The following ADARB1 variants were observed in gnomAD, a reference collection of about 807,000 sequenced individuals.
ADARB1 encodes double-stranded RNA-specific editase 1.
ADARB1 carries 10 observed loss-of-function variants against 52.4 expected under a neutral mutation model. The observed-to-expected ratio is 0.19, with a 90% CI of 0.12 to 0.32. ADARB1 has a LOEUF of 0.32. ADARB1 is among the 10% of genes least tolerant of loss of function. The probability of loss-of-function intolerance (pLI) is 1.00; values close to 1 mark genes in which losing one functional copy is unlikely to be tolerated. For synonymous variants in ADARB1, 349 were observed against 371.1 expected, an observed-to-expected ratio of 0.94 and a Z score of 0.68; for missense variants, 643 against 922.3, an observed-to-expected ratio of 0.70 and a Z score of 3.92.
At chr21:45,195,714 T>C (rs1257692566) in intron 8 of ADARB1, among the ~76,000 whole-genome samples, 1 of 152,200 alleles carries the variant, frequency 6.6e-6, no homozygotes, top group Non-Finnish European at 1.5e-5. Context: ...AAAGATCAGT[T>C]GACTGTATTT....
rs1025715251 is a variant in ADARB1, at chr21:45,223,513, G to T, written c.*1316G>T. Reference sequence around the variant, plus strand: ...GTTGCCTCCGCTCAGGATGAAAGAGGAGCTGAGAGAAGTGCTCTGCCTGCC... The same window carrying T: ...GTTGCCTCCGCTCAGGATGAAAGAGTAGCTGAGAGAAGTGCTCTGCCTGCC... On this transcript the variant is annotated 3_prime_UTR_variant, in exon 11 of 11. Coordinates refer to ENST00000348831, the MANE Select transcript of ADARB1 (RefSeq NM_001112.4). The T allele has an allele frequency of 4.1e-6, 4 of 985,528 alleles. No homozygotes were observed. Among genetic ancestry groups the T allele is most frequent in the African/African-American group, 1.7e-5 (1 of 57,252 alleles). The allele number at this position is 985,528 out of a possible 1,614,324, so 61.0% of individuals were successfully genotyped here. A position where few individuals can be genotyped will look rare whatever the true frequency, so the allele number is the denominator to read the frequency against.
chr21:45,196,872 G>A (rs1215586163), intron 8 of ADARB1, among the ~76,000 whole-genome samples: 1 of 152,204 alleles, frequency 6.6e-6, no homozygotes, highest in Non-Finnish European at 1.5e-5. Flanking sequence ...CTGTGGCTAG[G>A]TATGTAAATA....
chr21:45,077,228 C>G (rs1392330802), intron 1 of ADARB1, among the ~76,000 whole-genome samples: 1 of 152,154 alleles, frequency 6.6e-6, no homozygotes, highest in African/African-American at 2.4e-5. Context: ...GCTCTGTGAT[C>G]AAACAATATA....
At chr21:45,134,856 G>C (rs752731607) in intron 2 of ADARB1, 1 of 533,350 alleles carries the variant, frequency 1.9e-6, no homozygotes, top group Non-Finnish European at 3.9e-6. Context: ...GGCATTTGTG[G>C]TCAGGGGCAC....
chr21:45,180,385 A>G lies in ADARB1; in HGVS notation c.1019A>G (p.Asp340Gly). The G allele has an allele frequency of 6.2e-7, 1 of 1,614,152 alleles. No homozygotes were observed. Among genetic ancestry groups the G allele is most frequent in the Non-Finnish European group, 8.5e-7 (1 of 1,180,020 alleles). Residue 340 changes from aspartate (D) to glycine (G), a missense_variant, in exon 5 of 11, where the codon GAC (aspartate) becomes GGC (glycine). Coordinates refer to ENST00000348831, the MANE Select transcript of ADARB1 (RefSeq NM_001112.4). Reference protein sequence around the residue: ...LVLGKFGDLTDNFSSPHARRK... With the variant: ...LVLGKFGDLTGNFSSPHARRK... ...CTGGGTAAGTTTGGTGACCTGACCG[A>G]CAACTTCTCCTCCCCTCACGCTCGC... is the stretch of plus-strand genomic sequence containing the variant.
chr21:45,220,403 A>G lies in ADARB1; in HGVS notation c.1748-433A>G, dbSNP rs565180141. On this transcript the variant is annotated intron_variant, in intron 9 of 10. Transcript: ENST00000348831. The surrounding 1 kb of genome is among the most constrained non-coding windows in gnomAD (Gnocchi z 6.3). The stretch of plus-strand genomic sequence containing the variant: ...GCATGAGCGCCAGAGGTGGTGTGAT[A>G]CAGGAGCAACCCCCACCTGCACGAC... 6.6e-6 allele frequency among the ~76,000 whole-genome samples: 1 copy of G among 152,276 alleles called. No homozygotes were observed. Among genetic ancestry groups the G allele is most frequent in the African/African-American group, 2.4e-5 (1 of 41,558 alleles).
intron 8 of ADARB1, among the ~76,000 whole-genome samples, chr21:45,192,513 G>T (rs1161864362): frequency 6.6e-6 from 1 of 152,040 alleles, no homozygotes; most frequent in African/African-American, 2.4e-5. Flanking sequence ...GCCTTAATTG[G>T]CCTGACAACT....
chr21:45,173,202 C>T (rs2091558611), intron 3 of ADARB1, among the ~76,000 whole-genome samples: 1 of 152,192 alleles, frequency 6.6e-6, no homozygotes, highest in South Asian at 2.1e-4. Context: ...TGAAGAGAAG[C>T]CGATGTTGTA....
At chr21:45,165,348 C>T (rs1480698007) in intron 2 of ADARB1, among the ~76,000 whole-genome samples, 1 of 152,178 alleles carries the variant, frequency 6.6e-6, no homozygotes, top group Non-Finnish European at 1.5e-5. Context: ...CAATATTTCC[C>T]ACTTAATATG....
rs1199910475 is a variant in ADARB1 at position 45,176,257 on chromosome 21, G to A, written c.556G>A (p.Ala186Thr). 6.2e-7 allele frequency: 1 copy of A among 1,614,162 alleles called. No homozygotes were observed. Residue 186 changes from alanine to threonine, a missense_variant, in exon 4 of 11, where the codon GCG (alanine) becomes ACG (threonine). Ala to Thr is a moderately conservative substitution (Grantham distance 58). This residue lies in a region of ADARB1 where 380 missense variants were observed against 446.5 expected (regional missense o/e 0.85). Coordinates refer to ENST00000348831, the MANE Select transcript of ADARB1 (RefSeq NM_001112.4). This position sits in a 1 kb window ranked among gnomAD's most constrained non-coding sequence, Gnocchi z 5.8. ...CAATGGTTTTGAAACTCCTGACAAG[G>A]CGGAGCCTCCCTTTTACGTGGGCTC... ...LFNGFETPDK[A>T]EPPFYVGSNG...
chr21:45,148,223 AG>A (rs1428334950), intron 2 of ADARB1, among the ~76,000 whole-genome samples: 3 of 152,134 alleles, frequency 2.0e-5, no homozygotes, highest in Non-Finnish European at 4.4e-5. Context: ...CCTGCCCACC[AG>A]TTCCCAAGCC....
In ADARB1 at chr21:45,117,574, TAA is replaced by T. The variant is rs111492312; in HGVS notation, c.-219-10817_-219-10816del. ...CACTTTATCTTTGTTCTTTCACAGT[TAA>T]AAAAAAAAAAGCTTCTTTAAAATTC... On this transcript the variant is annotated intron_variant, in intron 1 of 10. Coordinates refer to ENST00000348831, the MANE Select transcript of ADARB1 (RefSeq NM_001112.4). Among the ~76,000 whole-genome samples the T allele has an allele frequency of 5.4e-4, 78 of 144,296 alleles. 1 individual carries two copies. In the East Asian group the frequency reaches 0.015, roughly 28 times the overall value. The allele number at this position is 144,296 out of a possible 152,430, so 94.7% of individuals were successfully genotyped here. A position where few individuals can be genotyped will look rare whatever the true frequency, so the allele number is the denominator to read the frequency against.
intron 9 of ADARB1, among the ~76,000 whole-genome samples, chr21:45,209,091 G>A (rs116297432): frequency 5.6e-4 from 86 of 152,240 alleles, no homozygotes; most frequent in African/African-American, 2.0e-3. Context: ...TTGAAAAAAT[G>A]TTGGCATCAA....
intron 1 of ADARB1, among the ~76,000 whole-genome samples, chr21:45,077,779 C>A (rs1038731132): frequency 3.9e-5 from 6 of 151,900 alleles, no homozygotes; most frequent in South Asian, 2.1e-4. Context: ...TAAAAAAAAA[C>A]CCATATTATT....
At chr21:45,178,041 G>A (rs985961420) in intron 4 of ADARB1, among the ~76,000 whole-genome samples, 3 of 152,098 alleles carry the variant, frequency 2.0e-5, no homozygotes, top group Admixed American at 1.3e-4. Context: ...TAAAGCCTGA[G>A]TTCAAAATAT....
intron 9 of ADARB1, among the ~76,000 whole-genome samples, chr21:45,207,833 A>G (rs2092695589): frequency 6.6e-6 from 1 of 152,256 alleles, no homozygotes; most frequent in East Asian, 1.9e-4. Flanking sequence ...ATACAAAGAA[A>G]AGATTACCTG....
chr21:45,171,496 A>G, intron 2 of ADARB1, 114 bp from the exon 3 acceptor site: 1 of 695,260 alleles, frequency 1.4e-6, no homozygotes, highest in South Asian at 1.9e-5. Flanking sequence ...TTCTTATTTT[A>G]TGATTTTTTT....
intron 2 of ADARB1, chr21:45,144,724 C>T: frequency 2.3e-6 from 1 of 433,256 alleles, no homozygotes; most frequent in Non-Finnish European, 4.6e-6. Flanking sequence ...GAAATGACTA[C>T]AAAATGAATT....
At chr21:45,158,923 C>T (rs1226171817) in intron 2 of ADARB1, among the ~76,000 whole-genome samples, 5 of 152,100 alleles carry the variant, frequency 3.3e-5, no homozygotes, top group African/African-American at 1.2e-4. Flanking sequence ...GCTCCCCTTC[C>T]AGACTGCATG....
Sources: allele counts gnomAD v4.1 joint callset (sites outside exome capture counted in the v4.1 genomes callset), GRCh38; gene constraint gnomAD v4.1.1; regional missense constraint gnomAD v4.1.1; non-coding constraint Gnocchi (gnomAD v3.1); transcripts MANE v1.5; gene names NCBI Gene and HGNC (gene_info 2026-07-23, HGNC 2026-07-21).